The following PHLPP1 variants were observed in gnomAD, a reference collection of about 807,000 sequenced individuals.
The protein encoded by PHLPP1 is PH domain leucine-rich repeat-containing protein phosphatase 1.
Under a neutral mutation model 117.2 loss-of-function variants are expected in PHLPP1, and 42 were observed. That is an observed-to-expected ratio of 0.36 (90% confidence interval 0.28 to 0.46). PHLPP1 has a LOEUF of 0.46. Among genes scored for constraint, PHLPP1 ranks in the 20% least tolerant of loss-of-function variants. The pLI is 1.00. For missense variants in PHLPP1, 2,084 were observed against 2,241.9 expected (o/e 0.93, Z 1.42); for synonymous variants, 1,042 against 970.7 (o/e 1.07, Z -1.37).
chr18:62,859,456 T>TA (rs1249596577), intron 3 of PHLPP1, among the ~76,000 whole-genome samples: 1 of 152,182 alleles, frequency 6.6e-6, no homozygotes, highest in Admixed American at 6.5e-5. Flanking sequence ...AAATAAGTTT[T>TA]ACATAAAATA....
chr18:62,766,076 A>AAAAAAATAT lies in PHLPP1; in HGVS notation c.1576+48818_1576+48819insAAAAATATA. ...ACTCCATCTCAAAAAAAAAAAAAAA[A>AAAAAAATAT]ATATATATATATATATATATATATA... On this transcript the variant is annotated intron_variant, in intron 1 of 16. Coordinates refer to ENST00000262719, the MANE Select transcript of PHLPP1 (RefSeq NM_194449.4). Among the ~76,000 whole-genome samples, 52 of 21,656 alleles carry AAAAAAATAT rather than the reference A, an allele frequency of 2.4e-3. 2 individuals are homozygous for AAAAAAATAT. Among genetic ancestry groups the AAAAAAATAT allele is most frequent in the Non-Finnish European group, 3.6e-3 (42 of 11,796 alleles). 14.2% of individuals were successfully genotyped at this position (21,656 alleles called of 152,430 possible).
intron 14 of PHLPP1, among the ~76,000 whole-genome samples, chr18:62,969,435 C>T (rs1159872323): frequency 6.6e-6 from 1 of 151,796 alleles, no homozygotes; most frequent in African/African-American, 2.4e-5. Context: ...ATTTTTGGTC[C>T]AGAATCTTAC....
intron 1 of PHLPP1, among the ~76,000 whole-genome samples, chr18:62,771,102 T>TACTTGGGA (rs1367119766): frequency 6.6e-6 from 1 of 151,158 alleles, no homozygotes; most frequent in Non-Finnish European, 1.5e-5. Flanking sequence ...TAATCCCAGC[T>TACTTGGGA]ACTTGGGAGG....
At chr18:62,743,217 T>C (rs1359318752) in intron 1 of PHLPP1, among the ~76,000 whole-genome samples, 5 of 152,186 alleles carry the variant, frequency 3.3e-5, no homozygotes, top group African/African-American at 1.2e-4. Flanking sequence ...CTCTCTTGGT[T>C]GTCTTAATCC....
At chr18:62,816,143 T>A (rs185329150) in intron 1 of PHLPP1, among the ~76,000 whole-genome samples, 1 of 152,334 alleles carries the variant, frequency 6.6e-6, no homozygotes, top group Admixed American at 6.5e-5. Flanking sequence ...TTTGTGAATT[T>A]AAGTTTTTTT....
intron 10 of PHLPP1, among the ~76,000 whole-genome samples, chr18:62,936,647 C>G (rs964301454): frequency 6.6e-6 from 1 of 152,172 alleles, no homozygotes; most frequent in South Asian, 2.1e-4. Context: ...CTGAGAAGGG[C>G]ACAACCTCTG....
intron 10 of PHLPP1, among the ~76,000 whole-genome samples, chr18:62,938,574 G>C (rs753327089): frequency 6.6e-6 from 1 of 152,126 alleles, no homozygotes; most frequent in East Asian, 1.9e-4. Context: ...CTATTAACCA[G>C]CAAGGTGATT....
At chr18:62,755,681 G>C (rs1461902399) in intron 1 of PHLPP1, among the ~76,000 whole-genome samples, 9 of 152,196 alleles carry the variant, frequency 5.9e-5, no homozygotes, top group Non-Finnish European at 4.4e-5. Flanking sequence ...CCAGCCTCCA[G>C]AACTGTGAGA....
Position 62,860,611 on chromosome 18 carries a change from C to A in PHLPP1, c.2066+10C>A, listed in dbSNP as rs1309107927. On this transcript the variant is annotated intron_variant, in intron 4 of 16. Transcript: ENST00000262719. Reference sequence around the variant, plus strand: ...TTAATGAACTGCAAAGGTAAGCCTGCAGAAATGGGTAGATCATTAGGAAGG... The same window carrying A: ...TTAATGAACTGCAAAGGTAAGCCTGAAGAAATGGGTAGATCATTAGGAAGG... The A allele has an allele frequency of 4.4e-6, 7 of 1,607,262 alleles. No homozygotes were observed. Among genetic ancestry groups the A allele is most frequent in the Non-Finnish European group, 3.4e-6 (4 of 1,176,054 alleles).
At chr18:62,827,142 G>T (rs992216742) in intron 1 of PHLPP1, among the ~76,000 whole-genome samples, 9 of 152,316 alleles carry the variant, frequency 5.9e-5, no homozygotes, top group African/African-American at 2.2e-4. Flanking sequence ...TGCCAAGTGC[G>T]TAAGTAAAAG....
chr18:62,915,810 A>G (rs146898716), intron 9 of PHLPP1, among the ~76,000 whole-genome samples: 9 of 152,310 alleles, frequency 5.9e-5, no homozygotes, highest in South Asian at 2.1e-4. Context: ...AGCACTTGCA[A>G]TGTGGCTAAT....
intron 1 of PHLPP1, among the ~76,000 whole-genome samples, chr18:62,746,970 G>A (rs1911693833): frequency 6.6e-6 from 1 of 152,104 alleles, no homozygotes; most frequent in South Asian, 2.1e-4. Flanking sequence ...TCAGTTTTGG[G>A]AAGAGATACT....
chr18:62,722,338 C>T (rs1472964383), intron 1 of PHLPP1, among the ~76,000 whole-genome samples: 2 of 152,128 alleles, frequency 1.3e-5, no homozygotes, highest in Admixed American at 1.3e-4. Context: ...TAACATAATT[C>T]AGTCTATCTG....
At position 62,715,928 on chromosome 18, in the gene PHLPP1, C is replaced by T; in HGVS notation, c.245C>T (p.Pro82Leu). 9.4e-7 allele frequency: 1 copy of T among 1,068,712 alleles called. No individual in the cohort carries two copies. Among genetic ancestry groups the T allele is most frequent in the Non-Finnish European group, 1.1e-6 (1 of 879,560 alleles). The allele number at this position is 1,068,712 out of a possible 1,614,324, so 66.2% of individuals were successfully genotyped here. Reference protein sequence around the residue: ...EEAPGEAPPGPLPGRAGGAGR... With the variant: ...EEAPGEAPPGLLPGRAGGAGR... ...GCCCCAGGCGAGGCGCCGCCGGGGC[C>T]GCTGCCGGGCAGAGCGGGGGGTGCC... Residue 82 changes from proline (P) to leucine (L), a missense_variant, in exon 1 of 17, where the codon CCG becomes CTG. By Grantham distance (98) the Pro-to-Leu change is moderately conservative (BLOSUM62 -3). Around this residue, in one of 2 missense-constraint regions of PHLPP1, gnomAD observed 719 missense variants for 636.0 expected, o/e 1.13. Coordinates refer to ENST00000262719, the MANE Select transcript of PHLPP1 (RefSeq NM_194449.4).
Position 62,920,008 on chromosome 18 carries a change from T to C in PHLPP1, c.2854T>C (p.Leu952=). ...GAAACTACTGGCAGGACACAACCAG[T>C]TGGCAAGGCTGCCTGAAAGGCTAGA... ...LRKLLAGHNQ[L]ARLPERLERT... The change falls in exon 10 of 17, where the codon TTG becomes CTG. Residue 952 remains leucine (L), a synonymous_variant. Transcript: ENST00000262719. 6.2e-7 allele frequency: 1 copy of C among 1,610,318 alleles called. No homozygotes were observed. The highest frequency in any genetic ancestry group is 1.3e-5 in the African/African-American group (1 of 75,004).
intron 1 of PHLPP1, among the ~76,000 whole-genome samples, chr18:62,819,217 A>G (rs1378770919): frequency 1.3e-5 from 2 of 152,222 alleles, no homozygotes; most frequent in Non-Finnish European, 2.9e-5. Context: ...AGGTTCTTAA[A>G]TTGTACATGA....
At chr18:62,912,269 A>T (rs1385460271) in intron 8 of PHLPP1, among the ~76,000 whole-genome samples, 2 of 150,168 alleles carry the variant, frequency 1.3e-5, no homozygotes, top group African/African-American at 4.9e-5. Flanking sequence ...AACCTGCACA[A>T]TGTGCACATG....
At chr18:62,875,873 C>G (rs1916037466) in intron 4 of PHLPP1, among the ~76,000 whole-genome samples, 1 of 152,038 alleles carries the variant, frequency 6.6e-6, no homozygotes, top group South Asian at 2.1e-4. Flanking sequence ...GCTGGGATTA[C>G]AGGTGCCCGC....
intron 3 of PHLPP1, among the ~76,000 whole-genome samples, chr18:62,858,213 A>G (rs1165083494): frequency 1.3e-5 from 2 of 151,450 alleles, no homozygotes; most frequent in Non-Finnish European, 2.9e-5. Flanking sequence ...TTTAGCTTTC[A>G]TGTGTGCACA....
Sources: gnomAD v4.1 joint callset for allele counts (sites outside exome capture counted in the v4.1 genomes callset) on GRCh38, gnomAD v4.1.1 for gene constraint, gnomAD v4.1.1 regional missense constraint, MANE v1.5 for transcripts, NCBI Gene and HGNC (gene_info 2026-07-23, HGNC 2026-07-21) for gene names.